SMAD5: variants seen among roughly 807,000 people sequenced by gnomAD.
SMAD5 encodes the protein MAD, mothers against decapentaplegic homolog 5.
A neutral mutation model predicts 43.1 loss-of-function variants in SMAD5; 9 were observed. The observed-to-expected ratio is 0.21, with a 90% CI of 0.13 to 0.36. The LOEUF (loss-of-function observed/expected upper bound fraction) is 0.36. Among genes scored for constraint, SMAD5 ranks in the 10% least tolerant of loss-of-function variants. The pLI, the probability that SMAD5 is intolerant of heterozygous loss-of-function variation, is 1.00. For synonymous variants in SMAD5, 190 were observed against 192.4 expected (o/e 0.99, Z 0.10); for missense variants, 348 against 574.0 (o/e 0.61, Z 4.02).
intron 3 of SMAD5, among the ~76,000 whole-genome samples, chr5:136,159,753 T>C (rs1192254077): frequency 6.6e-6 from 1 of 152,202 alleles, no homozygotes; most frequent in Non-Finnish European, 1.5e-5. Context: ...ACCACATATT[T>C]AGTATACTAA....
At chr5:136,151,793 C>T (rs1291302363) in intron 2 of SMAD5, among the ~76,000 whole-genome samples, 1 of 151,960 alleles carries the variant, frequency 6.6e-6, no homozygotes, top group African/African-American at 2.4e-5. Context: ...TTCATGTCTG[C>T]CTATATATAT....
At chr5:136,150,339 A>G (rs1753412627) in intron 2 of SMAD5, among the ~76,000 whole-genome samples, 1 of 151,816 alleles carries the variant, frequency 6.6e-6, no homozygotes, top group African/African-American at 2.4e-5. Context: ...ATCTTAGTCA[A>G]CGTGGGTTTA....
At chr5:136,177,234 A>T (rs556804841) in intron 7 of SMAD5, 103 bp from the exon 8 acceptor site, 1 of 934,430 alleles carries the variant, frequency 1.1e-6, no homozygotes, top group African/African-American at 1.6e-5. Context: ...TAACTTCTAC[A>T]TATCTCTACT....
intron 1 of SMAD5, among the ~76,000 whole-genome samples, chr5:136,137,156 G>T (rs1024951482): frequency 6.6e-6 from 1 of 150,950 alleles, no homozygotes; most frequent in African/African-American, 2.4e-5. Flanking sequence ...TTGCAAGAAA[G>T]AGTTCTTTAT....
intron 3 of SMAD5, among the ~76,000 whole-genome samples, chr5:136,155,634 C>G (rs1039602564): frequency 6.6e-6 from 1 of 152,204 alleles, no homozygotes; most frequent in Non-Finnish European, 1.5e-5. Context: ...TTGGACTTGC[C>G]ATACTCCTGT....
chr5:136,163,243 A>G, intron 4 of SMAD5, 29 bp from the exon 5 acceptor site: 1 of 1,566,184 alleles, frequency 6.4e-7, no homozygotes, highest in Non-Finnish European at 8.6e-7. Context: ...CAGAATGAAG[A>G]TTTTAATTAT....
chr5:136,168,712 G>T (rs1754106125), intron 5 of SMAD5, among the ~76,000 whole-genome samples: 1 of 152,094 alleles, frequency 6.6e-6, no homozygotes, highest in South Asian at 2.1e-4. Flanking sequence ...TCTGTGCTCT[G>T]CCTGTTCACC....
chr5:136,178,475 C>CT lies in SMAD5; in HGVS notation c.*1001dup, dbSNP rs1189449343. The CT allele has an allele frequency of 6.6e-6, 1 of 152,352 alleles. No individual in the cohort carries two copies. The highest frequency in any genetic ancestry group is 1.9e-4 in the East Asian group (1 of 5,198). The allele number at this position is 152,352 out of a possible 1,614,324, so 9.4% of individuals were successfully genotyped here. On this transcript the variant is annotated 3_prime_UTR_variant, in exon 8 of 8. Coordinates refer to ENST00000545279, the MANE Select transcript of SMAD5 (RefSeq NM_005903.7). ...TAGATTACATTTGTAGGAAGTTATG[C>CT]TTTTTTCTGGTTTTTGTTTTACTTT...
intron 3 of SMAD5, among the ~76,000 whole-genome samples, chr5:136,155,073 G>T (rs1054475384): frequency 5.3e-5 from 8 of 152,166 alleles, no homozygotes; most frequent in African/African-American, 7.2e-5. Context: ...ATAAGCTGAT[G>T]CTCACATTTT....
intron 3 of SMAD5, among the ~76,000 whole-genome samples, chr5:136,157,523 C>T (rs1175473886): frequency 1.3e-5 from 2 of 152,108 alleles, no homozygotes; most frequent in African/African-American, 4.8e-5. Context: ...TTAGTGGGAG[C>T]CCTGAGCTTG....
chr5:136,145,176 T>C (rs188765749), intron 1 of SMAD5, among the ~76,000 whole-genome samples: 2 of 151,896 alleles, frequency 1.3e-5, no homozygotes, highest in African/African-American at 4.8e-5. Context: ...CATCTGAGTA[T>C]TGCTTTTGGC....
chr5:136,153,778 C>T lies in SMAD5; in HGVS notation c.18C>T (p.Ser6=), dbSNP rs910287275. The T allele has an allele frequency of 3.1e-6, 5 of 1,610,398 alleles. No homozygotes were observed. In the African/African-American group the frequency reaches 5.3e-5, roughly 17 times the overall value. MTSMA[S]LFSFTSPAVK... ...TGTGTCAAATGACGTCAATGGCCAGCTTGTTTTCTTTTACTAGTCCAGCAG... is the reference window on the plus strand; with the variant it reads ...TGTGTCAAATGACGTCAATGGCCAGTTTGTTTTCTTTTACTAGTCCAGCAG... Residue 6 remains serine, a synonymous_variant, in exon 3 of 8, where the codon AGC becomes AGT. Transcript: ENST00000545279.
intron 1 of SMAD5, among the ~76,000 whole-genome samples, chr5:136,139,128 CTGTGTGTG>C (rs57433582): frequency 1.4e-5 from 2 of 140,480 alleles, no homozygotes; most frequent in Admixed American, 7.2e-5. Flanking sequence ...GCTGTGAGCT[CTGTGTGTG>C]TGTGTGTGTG....
intron 7 of SMAD5, among the ~76,000 whole-genome samples, chr5:136,175,559 G>A (rs1168151933): frequency 6.6e-6 from 1 of 152,098 alleles, no homozygotes; most frequent in Admixed American, 6.5e-5. Flanking sequence ...CCAAAGATTT[G>A]TGCTTAAAAT....
intron 4 of SMAD5, 54 bp downstream of exon 4, chr5:136,161,161 T>TAAGAACAAC: frequency 6.5e-7 from 1 of 1,547,904 alleles, no homozygotes; most frequent in Non-Finnish European, 8.8e-7. Context: ...AGAATCACAG[T>TAAGAACAAC]TGTTCTTACT....
chr5:136,152,669 A>G (rs1020042205), intron 2 of SMAD5: 1 of 152,046 alleles, frequency 6.6e-6, no homozygotes, highest in African/African-American at 2.4e-5. Context: ...TTTATTCTTT[A>G]TTTAGAAATG....
Position 136,181,938 on chromosome 5 carries a change from T to C in SMAD5, c.*4458T>C, listed in dbSNP as rs1280595660. ...CTAGTAGCAACTGCAGTAAAACAGG[T>C]GATAAGTTATTTTCTCTGAAAAGAT... is the stretch of plus-strand genomic sequence containing the variant. On this transcript the variant is annotated 3_prime_UTR_variant, in exon 8 of 8. Transcript: ENST00000545279. 6.6e-6 allele frequency: 1 copy of C among 152,182 alleles called. No homozygotes were observed. Among genetic ancestry groups the C allele is most frequent in the Non-Finnish European group, 1.5e-5 (1 of 68,020 alleles). 9.4% of individuals were successfully genotyped at this position (152,182 alleles called of 1,614,324 possible). A position where few individuals can be genotyped will look rare whatever the true frequency, so the allele number is the denominator to read the frequency against.
In SMAD5 at chr5:136,154,866, T is replaced by C. The variant is rs985979847; in HGVS notation, c.403+703T>C. Among the ~76,000 whole-genome samples, 13 of 152,276 alleles carry C rather than the reference T, an allele frequency of 8.5e-5. No homozygotes were observed. The South Asian group carries it at 1.0e-3, about 12-fold the overall frequency. On this transcript the variant is annotated intron_variant, in intron 3 of 7. Coordinates refer to ENST00000545279, the MANE Select transcript of SMAD5 (RefSeq NM_005903.7). ...CTGCATTTGATACAGTTGATCTCCT[T>C]CCATCCTACTCAAAACTTTTTCTGT...
At chr5:136,158,348 A>G (rs892536031) in intron 3 of SMAD5, among the ~76,000 whole-genome samples, 2 of 152,212 alleles carry the variant, frequency 1.3e-5, no homozygotes, top group African/African-American at 4.8e-5. Context: ...GGATTTCTCA[A>G]TGCAGTTCTG....
Sources: allele counts gnomAD v4.1 joint callset (sites outside exome capture counted in the v4.1 genomes callset), GRCh38; gene constraint gnomAD v4.1.1; transcripts MANE v1.5; gene names NCBI Gene and HGNC (gene_info 2026-07-23, HGNC 2026-07-21).